Variants in SND1 observed in about 807,000 individuals in gnomAD.
SND1 encodes staphylococcal nuclease and tudor domain containing 1, also known as staphylococcal nuclease domain-containing protein 1.
A neutral mutation model predicts 121.7 loss-of-function variants in SND1; 38 were observed. That is an observed-to-expected ratio of 0.31 (90% CI 0.24 to 0.41). SND1 has a LOEUF of 0.41. Among genes scored for constraint, SND1 ranks in the 10% least tolerant of loss-of-function variants. The probability of loss-of-function intolerance (pLI) is 1.00; values close to 1 mark genes in which losing one functional copy is unlikely to be tolerated. For missense variants in SND1, 868 were observed against 1,184.6 expected (o/e 0.73, Z 3.92); for synonymous variants, 401 against 447.4 (o/e 0.90, Z 1.31).
chr7:127,678,372 A>G (rs548502702), intron 1 of SND1, among the ~76,000 whole-genome samples: 103 of 152,294 alleles, frequency 6.8e-4, no homozygotes, highest in African/African-American at 2.4e-3. Flanking sequence ...AACTCCGTAT[A>G]TGTAAACTGC....
intron 2 of SND1, 186 bp from the exon 3 acceptor site, chr7:127,694,642 T>C: frequency 1.7e-6 from 1 of 605,704 alleles, no homozygotes; most frequent in Non-Finnish European, 2.7e-6. Context: ...ACCCTCCTTT[T>C]TTTATGAGCC....
At chr7:128,040,894 A>C (rs1404884982) in intron 16 of SND1, among the ~76,000 whole-genome samples, 1 of 152,192 alleles carries the variant, frequency 6.6e-6, no homozygotes, top group Non-Finnish European at 1.5e-5. Flanking sequence ...ACAGTTTGCT[A>C]ATTGTTTTCA....
chr7:128,023,646 T>TAG (rs1803407735), intron 16 of SND1, among the ~76,000 whole-genome samples: 2 of 152,220 alleles, frequency 1.3e-5, no homozygotes, highest in African/African-American at 4.8e-5. Context: ...TGATCGGGCT[T>TAG]ATAGATACTA....
intron 10 of SND1, among the ~76,000 whole-genome samples, chr7:127,771,843 C>T (rs1797517356): frequency 6.6e-6 from 1 of 152,268 alleles, no homozygotes; most frequent in East Asian, 1.9e-4. Context: ...CCCCAACTCT[C>T]ATGTCTATTT....
intron 16 of SND1, among the ~76,000 whole-genome samples, chr7:128,057,076 A>G (rs1031970633): frequency 1.3e-5 from 2 of 152,168 alleles, no homozygotes; most frequent in South Asian, 2.1e-4. Context: ...TCATCACGCT[A>G]CTCAGAACGG....
At chr7:127,945,371 G>T (rs1330999240) in intron 15 of SND1, among the ~76,000 whole-genome samples, 4 of 152,020 alleles carry the variant, frequency 2.6e-5, no homozygotes, top group Admixed American at 6.5e-5. Flanking sequence ...GGCACCTGTA[G>T]TCCCAGCTAC....
At chr7:127,829,716 A>G (rs1798706291) in intron 11 of SND1, among the ~76,000 whole-genome samples, 2 of 152,238 alleles carry the variant, frequency 1.3e-5, no homozygotes, top group African/African-American at 2.4e-5. Context: ...TCTGTCCTAA[A>G]AAGGAATGAA....
chr7:127,795,665 T>TTTAAAGTC (rs1472575534), intron 10 of SND1, among the ~76,000 whole-genome samples: 1 of 152,100 alleles, frequency 6.6e-6, no homozygotes, highest in East Asian at 1.9e-4. Context: ...AGAAGATTGT[T>TTTAAAGTC]TTAAAGTCTT....
chr7:127,729,740 T>G (rs960379746), intron 10 of SND1, among the ~76,000 whole-genome samples: 2 of 152,218 alleles, frequency 1.3e-5, no homozygotes, highest in South Asian at 4.1e-4. Context: ...AGGTAGACTT[T>G]AGACTGGATG....
At chr7:127,951,732 G>A (rs1801467471) in intron 15 of SND1, among the ~76,000 whole-genome samples, 1 of 152,120 alleles carries the variant, frequency 6.6e-6, no homozygotes, top group African/African-American at 2.4e-5. Flanking sequence ...TGAGATCAGG[G>A]TCCATTGCAT....
intron 5 of SND1, 27 bp downstream of exon 5, chr7:127,701,350 C>T (rs770391107): frequency 1.7e-5 from 28 of 1,602,082 alleles, no homozygotes; most frequent in African/African-American, 2.7e-5. Context: ...CAGACAGATA[C>T]GACTCAGGGT....
chr7:127,687,727 G>A (rs557821527), intron 2 of SND1, among the ~76,000 whole-genome samples: 22 of 152,040 alleles, frequency 1.4e-4, no homozygotes, highest in African/African-American at 4.1e-4. Context: ...TCTGTTGCCC[G>A]GGCTGGAGTG....
intron 16 of SND1, 85 bp from the exon 17 acceptor site, chr7:128,074,417 T>G: frequency 7.2e-7 from 1 of 1,393,318 alleles, no homozygotes; most frequent in Non-Finnish European, 9.7e-7. Flanking sequence ...GCCCAAGGCT[T>G]CGGCGCTGCT....
At chr7:127,856,736 G>A (rs575762987) in intron 12 of SND1, among the ~76,000 whole-genome samples, 3 of 152,276 alleles carry the variant, frequency 2.0e-5, no homozygotes, top group Middle Eastern at 3.4e-3. Flanking sequence ...AAGCCATCAC[G>A]CATTAGGTCA....
intron 12 of SND1, among the ~76,000 whole-genome samples, chr7:127,876,473 C>CCTAG (rs1799693085): frequency 6.6e-6 from 1 of 152,048 alleles, no homozygotes; most frequent in Non-Finnish European, 1.5e-5. Flanking sequence ...AGATGTCAGG[C>CCTAG]CTAGGTGCTG....
At chr7:127,959,752 T>A (rs1322591644) in intron 15 of SND1, among the ~76,000 whole-genome samples, 1 of 152,184 alleles carries the variant, frequency 6.6e-6, no homozygotes, top group Non-Finnish European at 1.5e-5. Flanking sequence ...GATGTTAAAT[T>A]GCGAGAAGGT....
chr7:127,911,690 C>A (rs1156979559), intron 14 of SND1, among the ~76,000 whole-genome samples: 2 of 152,018 alleles, frequency 1.3e-5, no homozygotes, highest in East Asian at 3.9e-4. Context: ...TTAGTAGAGA[C>A]GGGGTTTCAC....
intron 10 of SND1, among the ~76,000 whole-genome samples, chr7:127,800,555 A>G (rs1798107360): frequency 6.6e-6 from 1 of 152,226 alleles, no homozygotes; most frequent in Non-Finnish European, 1.5e-5. Context: ...AGTATGAAAT[A>G]TTGGGAGAAA....
At chr7:127,991,212 A>C (rs1220019021) in intron 16 of SND1, among the ~76,000 whole-genome samples, 156 bp downstream of exon 16, 1 of 152,102 alleles carries the variant, frequency 6.6e-6, no homozygotes, top group Non-Finnish European at 1.5e-5. Flanking sequence ...TATTTCCCTG[A>C]GCGCTGCTTC....
Sources: gnomAD v4.1 joint callset for allele counts (sites outside exome capture counted in the v4.1 genomes callset) on GRCh38, gnomAD v4.1.1 for gene constraint, MANE v1.5 for transcripts, NCBI Gene and HGNC (gene_info 2026-07-23, HGNC 2026-07-21) for gene names.